The following FCGR2A variants were observed in gnomAD, a reference collection of about 807,000 sequenced individuals.
The protein encoded by FCGR2A is Fc gamma receptor IIa.
Under a neutral mutation model 29.3 loss-of-function variants are expected in FCGR2A, and 18 were observed. The ratio of observed to expected loss-of-function variants is 0.62; its 90% CI spans 0.43 to 0.91. The LOEUF (loss-of-function observed/expected upper bound fraction) is 0.91, where lower values mean the gene tolerates loss of function less well. FCGR2A is among the 40% of genes least tolerant of loss of function. The pLI, the probability that FCGR2A is intolerant of heterozygous loss-of-function variation, is 0.00. For synonymous variants in FCGR2A, 126 were observed against 144.8 expected, an observed-to-expected ratio of 0.87 and a Z score of 0.93; for missense variants, 287 against 393.0, an observed-to-expected ratio of 0.73 and a Z score of 2.28.
chr1:161,519,124 CT>C lies in FCGR2A; in HGVS notation c.*977del, dbSNP rs1676330143. On this transcript the variant is annotated 3_prime_UTR_variant, in exon 7 of 7. Transcript: ENST00000271450. ...AGAAGAGAATTAGAGAGGTGAGGAT[CT>C]GGTATTTCCTGGACTAAATTCCCCT... 1 of 157,136 alleles carries C rather than the reference CT, an allele frequency of 6.4e-6. No individual in the cohort carries two copies. The highest frequency in any genetic ancestry group is 2.4e-5 in the African/African-American group (1 of 41,500). The allele number at this position is 157,136 out of a possible 1,614,324, so 9.7% of individuals were successfully genotyped here.
At chr1:161,514,039 A>C in intron 6 of FCGR2A, 107 bp downstream of exon 6, 1 of 1,532,062 alleles carries the variant, frequency 6.5e-7, no homozygotes, top group South Asian at 1.1e-5. Context: ...ACTGGGCCTG[A>C]AAACTCCTGA....
chr1:161,510,212 A>C (rs558084508), intron 4 of FCGR2A, 138 bp downstream of exon 4: 17 of 1,464,800 alleles, frequency 1.2e-5, no homozygotes, highest in Non-Finnish European at 1.6e-5. Flanking sequence ...GTGGGGTGGA[A>C]GCCTGGCTAA....
At chr1:161,513,608 GCTGT>G (rs1675955125) in intron 5 of FCGR2A, 2 of 539,036 alleles carry the variant, frequency 3.7e-6, no homozygotes, top group East Asian at 5.9e-5. Flanking sequence ...AGATCCCCAA[GCTGT>G]CTGGTTTGCT....
chr1:161,522,751 T>A (rs1191350080), downstream of FCGR2A: 3 of 152,140 alleles, frequency 2.0e-5, no homozygotes. Context: ...TATTGCACAT[T>A]TCTTTAAACA....
At position 161,506,323 on chromosome 1, in the gene FCGR2A, C is replaced by T; in HGVS notation, c.107-11C>T. On this transcript the variant is annotated splice_polypyrimidine_tract_variant and intron_variant, in intron 2 of 6. Coordinates refer to ENST00000271450, the MANE Select transcript of FCGR2A (RefSeq NM_001136219.3). ...TATTTATTCCACACCCCTTTCCACT[C>T]TGCCCCTCAGCAGCTCCCCCAAAGG... The T allele has an allele frequency of 6.2e-7, 1 of 1,614,198 alleles. No individual in the cohort carries two copies. Among genetic ancestry groups the T allele is most frequent in the Non-Finnish European group, 8.5e-7 (1 of 1,180,020 alleles).
At chr1:161,515,178 G>T (rs1356962648) in intron 6 of FCGR2A, among the ~76,000 whole-genome samples, 2 of 152,238 alleles carry the variant, frequency 1.3e-5, no homozygotes, top group East Asian at 3.8e-4. Flanking sequence ...GTATGTAAAG[G>T]TTTCTAAAAG....
intron 5 of FCGR2A, 104 bp downstream of exon 5, chr1:161,511,060 C>T (rs767919719): frequency 3.5e-5 from 52 of 1,504,654 alleles, no homozygotes; most frequent in Non-Finnish European, 4.3e-5. Flanking sequence ...ATATGCATTC[C>T]GATCTAGGCC....
downstream of FCGR2A, chr1:161,523,863 C>G (rs538197518): frequency 1.3e-5 from 2 of 152,012 alleles, no homozygotes; most frequent in Non-Finnish European, 2.9e-5. Flanking sequence ...GGCCGGGAAT[C>G]GAACCCGGGC....
chr1:161,512,969 G>A (rs1035873872), intron 5 of FCGR2A, among the ~76,000 whole-genome samples: 4 of 152,182 alleles, frequency 2.6e-5, no homozygotes, highest in African/African-American at 7.2e-5. Context: ...CCAGGCATGG[G>A]GGCTGCATAA....
At chr1:161,506,822 G>T in intron 3 of FCGR2A, 1 of 833,708 alleles carries the variant, frequency 1.2e-6, no homozygotes, top group African/African-American at 1.7e-5. Flanking sequence ...TTTTGCCTCA[G>T]TCTTGATTGA....
chr1:161,516,607 T>G (rs940578499), intron 6 of FCGR2A, among the ~76,000 whole-genome samples: 1 of 152,070 alleles, frequency 6.6e-6, no homozygotes, highest in Non-Finnish European at 1.5e-5. Flanking sequence ...CAGGTCAAAT[T>G]TAATGAAACT....
downstream of FCGR2A, chr1:161,522,854 C>G (rs6678239): frequency 0.66 from 100,699 of 151,842 alleles, 33,544 homozygotes; most frequent in East Asian, 0.86. Context: ...CTCGGAGAGA[C>G]GATTAACCAA....
rs1399932733 is a variant in FCGR2A at position 161,519,565 on chromosome 1, A to G, written c.*1417A>G. On this transcript the variant is annotated 3_prime_UTR_variant, in exon 7 of 7. Transcript: ENST00000271450. ...ACCTTTGTAATAAAACATTATAACC[A>G]AAACATTCTGTTTACCTTTTCAGGG... 6.6e-6 allele frequency: 1 copy of G among 152,082 alleles called. No individual in the cohort carries two copies. The highest frequency in any genetic ancestry group is 1.5e-5 in the Non-Finnish European group (1 of 67,976). The allele number at this position is 152,082 out of a possible 1,614,324, so 9.4% of individuals were successfully genotyped here. A position where few individuals can be genotyped will look rare whatever the true frequency, so the allele number is the denominator to read the frequency against.
downstream of FCGR2A, chr1:161,524,036 C>G (rs41297680): frequency 6.7e-3 from 1,049 of 157,120 alleles, 16 homozygotes; most frequent in African/African-American, 0.024. Context: ...CAAGATAAAA[C>G]TGTTTTAAGA....
downstream of FCGR2A, chr1:161,523,100 A>C (rs186060637): frequency 2.0e-5 from 3 of 152,160 alleles, no homozygotes; most frequent in Admixed American, 6.5e-5. Context: ...TTGTAACACC[A>C]GACTGTACCA....
chr1:161,505,594 C>A, intron 1 of FCGR2A, 42 bp downstream of exon 1: 1 of 1,485,304 alleles, frequency 6.7e-7, no homozygotes, highest in Non-Finnish European at 9.4e-7. Flanking sequence ...TTCAGACACT[C>A]CTACTGCCTG....
chr1:161,515,445 C>T (rs543208604), intron 6 of FCGR2A, among the ~76,000 whole-genome samples: 15 of 152,096 alleles, frequency 9.9e-5, no homozygotes, highest in African/African-American at 3.6e-4. Context: ...TGGAAATAGG[C>T]CAGATAAACT....
chr1:161,507,884 C>T (rs924045055), intron 3 of FCGR2A, among the ~76,000 whole-genome samples: 2 of 151,786 alleles, frequency 1.3e-5, no homozygotes, highest in East Asian at 1.9e-4. Flanking sequence ...GTTGGGATTT[C>T]GAGACCAGCC....
intron 5 of FCGR2A, among the ~76,000 whole-genome samples, chr1:161,511,954 G>C (rs1484583528): frequency 6.6e-6 from 1 of 152,200 alleles, no homozygotes; most frequent in African/African-American, 2.4e-5. Flanking sequence ...GGGATGGCCA[G>C]GGCTCAAATC....
Sources: allele counts gnomAD v4.1 joint callset (sites outside exome capture counted in the v4.1 genomes callset), GRCh38; gene constraint gnomAD v4.1.1; transcripts MANE v1.5; gene names NCBI Gene and HGNC (gene_info 2026-07-23, HGNC 2026-07-21).